The following SHOC2 variants were observed in gnomAD, a reference collection of about 807,000 sequenced individuals.
The protein encoded by SHOC2 is leucine-rich repeat protein SHOC-2.
Under a neutral mutation model 50.2 loss-of-function variants are expected in SHOC2, and 4 were observed. The observed-to-expected ratio is 0.08, with a 90% CI of 0.04 to 0.18. The LOEUF is 0.18. SHOC2 is among the 10% of genes least tolerant of loss of function. The pLI is 1.00. For synonymous variants in SHOC2, 218 were observed against 244.5 expected (o/e 0.89, Z 1.01); for missense variants, 388 against 669.6 (o/e 0.58, Z 4.64).
intron 1 of SHOC2, among the ~76,000 whole-genome samples, chr10:110,925,082 A>T (rs1334502780): frequency 2.0e-5 from 3 of 147,818 alleles, no homozygotes; most frequent in Non-Finnish European, 4.5e-5. Context: ...AAAAAAAAAA[A>T]AAAAAAAAAA....
rs371030486 is a variant in SHOC2, at chr10:110,998,196, A to G, written c.842-2219A>G. ...GTATTTTTAGTAGAGATGGGGTTTCACCATGTTGACCAGACTGGTCTCGAA... is the reference window on the plus strand; with the variant it reads ...GTATTTTTAGTAGAGATGGGGTTTCGCCATGTTGACCAGACTGGTCTCGAA... On this transcript the variant is annotated intron_variant, in intron 3 of 8. Transcript: ENST00000369452. 3.2e-3 allele frequency among the ~76,000 whole-genome samples: 484 copies of G among 152,106 alleles called. 26 individuals are homozygous for G. The South Asian group carries it at 0.093, about 29-fold the overall frequency.
intron 1 of SHOC2, among the ~76,000 whole-genome samples, chr10:110,963,066 T>C (rs1302998317): frequency 6.6e-6 from 1 of 152,212 alleles, no homozygotes; most frequent in Middle Eastern, 3.2e-3. Context: ...TTCTAATAAC[T>C]GTTTTAACCT....
At chr10:110,985,512 G>T in intron 2 of SHOC2, 116 bp from the exon 3 acceptor site, 1 of 757,698 alleles carries the variant, frequency 1.3e-6, no homozygotes, top group South Asian at 1.8e-5. Flanking sequence ...ATCTAATAAG[G>T]TTATGTTTCC....
chr10:110,964,412 A>G lies in SHOC2; in HGVS notation c.54A>G (p.Val18=). 2 of 1,613,046 alleles carry G rather than the reference A, an allele frequency of 1.2e-6. No homozygotes were observed. The highest frequency in any genetic ancestry group is 1.7e-6 in the Non-Finnish European group (2 of 1,179,810). Reference sequence around the variant, plus strand: ...ACTCTAAAGAAAAAGATCCCAAAGTACCATCAGCCAAGGAAAGAGAAAAGG... The same window carrying G: ...ACTCTAAAGAAAAAGATCCCAAAGTGCCATCAGCCAAGGAAAGAGAAAAGG... ...EKDSKEKDPK[V]PSAKEREKEA... is the part of the protein sequence containing the mutation. The change falls in exon 2 of 9, where the codon GTA becomes GTG. Residue 18 remains valine (V), a synonymous_variant. Coordinates refer to ENST00000369452, the MANE Select transcript of SHOC2 (RefSeq NM_007373.4). The surrounding 1 kb of genome is among the most constrained non-coding windows in gnomAD (Gnocchi z 4.9).
In SHOC2 at chr10:110,944,346, T is replaced by C. The variant is rs141340418; in HGVS notation, c.-234-19779T>C. Among the ~76,000 whole-genome samples the C allele has an allele frequency of 5.8e-3, 742 of 128,940 alleles. 3 individuals carry two copies. The highest frequency in any genetic ancestry group is 0.021 in the African/African-American group (715 of 34,122). 84.6% of individuals were successfully genotyped at this position (128,940 alleles called of 152,430 possible). ...TTCTGCCCACAGTGGAAAATGAAGA[T>C]AATCCAGATCACAAATGAAAAGTAT... On this transcript the variant is annotated intron_variant, in intron 1 of 8. Transcript: ENST00000369452.
chr10:110,973,467 A>C (rs187010752), intron 2 of SHOC2, among the ~76,000 whole-genome samples: 2 of 152,248 alleles, frequency 1.3e-5, no homozygotes, highest in Admixed American at 1.3e-4. Flanking sequence ...GTCTGTATTC[A>C]TCATAGATAT....
intron 1 of SHOC2, among the ~76,000 whole-genome samples, chr10:110,962,819 T>C (rs757001701): frequency 1.1e-4 from 16 of 152,218 alleles, no homozygotes; most frequent in Non-Finnish European, 2.2e-4. Context: ...AAGTCCTGTA[T>C]GCTTTTCTCA....
chr10:110,937,496 T>C (rs530803598), intron 1 of SHOC2, among the ~76,000 whole-genome samples: 1 of 152,316 alleles, frequency 6.6e-6, no homozygotes, highest in Non-Finnish European at 1.5e-5. Context: ...TCATATGTTA[T>C]GGTTAGGGAT....
intron 1 of SHOC2, among the ~76,000 whole-genome samples, chr10:110,929,679 C>G (rs936586394): frequency 2.0e-5 from 3 of 152,194 alleles, no homozygotes; most frequent in Non-Finnish European, 2.9e-5. Flanking sequence ...AGCAAGTTCT[C>G]TGGTCTCCTC....
chr10:110,930,237 C>T (rs184135666), intron 1 of SHOC2, among the ~76,000 whole-genome samples: 30 of 152,192 alleles, frequency 2.0e-4, no homozygotes, highest in Admixed American at 1.8e-3. Context: ...ATGTAAGAAA[C>T]GCCAGTTGTT....
At chr10:110,949,893 A>G (rs1487767013) in intron 1 of SHOC2, among the ~76,000 whole-genome samples, 1 of 152,196 alleles carries the variant, frequency 6.6e-6, no homozygotes, top group Non-Finnish European at 1.5e-5. Flanking sequence ...TGTGATAAAA[A>G]CTCAACAAAT....
intron 3 of SHOC2, among the ~76,000 whole-genome samples, chr10:110,986,338 T>A (rs955102560): frequency 2.0e-5 from 3 of 152,234 alleles, no homozygotes; most frequent in Non-Finnish European, 4.4e-5. Context: ...TTTATACCAG[T>A]AAAGTGAATT....
chr10:110,943,086 C>T (rs1847180352), intron 1 of SHOC2, among the ~76,000 whole-genome samples: 3 of 152,096 alleles, frequency 2.0e-5, no homozygotes, highest in Admixed American at 1.3e-4. Context: ...TTATCTTCCT[C>T]GGAGTTTGTT....
chr10:110,942,200 A>G lies in SHOC2; in HGVS notation c.-234-21925A>G, dbSNP rs1255312383. Among the ~76,000 whole-genome samples, 3 of 152,360 alleles carry G rather than the reference A, an allele frequency of 2.0e-5. No individual in the cohort carries two copies. The East Asian group carries it at 5.8e-4, about 29-fold the overall frequency. On this transcript the variant is annotated intron_variant, in intron 1 of 8. Coordinates refer to ENST00000369452, the MANE Select transcript of SHOC2 (RefSeq NM_007373.4). ...TTATCATACAGTATTAAATAAAGACATTTGTTAATAATTCCACTGATTTCG... is the reference window on the plus strand; with the variant it reads ...TTATCATACAGTATTAAATAAAGACGTTTGTTAATAATTCCACTGATTTCG...
At chr10:110,993,887 G>A (rs141526600) in intron 3 of SHOC2, among the ~76,000 whole-genome samples, 1 of 152,234 alleles carries the variant, frequency 6.6e-6, no homozygotes, top group East Asian at 1.9e-4. Context: ...TTAAAATATT[G>A]TATTTATCTA....
intron 1 of SHOC2, among the ~76,000 whole-genome samples, chr10:110,949,150 A>C (rs1847303595): frequency 6.6e-6 from 1 of 152,288 alleles, no homozygotes; most frequent in Non-Finnish European, 1.5e-5. Flanking sequence ...ACTGTAGAAG[A>C]GATAATGAAA....
intron 5 of SHOC2, among the ~76,000 whole-genome samples, chr10:111,006,511 C>T (rs1392276587): frequency 6.6e-6 from 1 of 151,596 alleles, no homozygotes; most frequent in African/African-American, 2.4e-5. Flanking sequence ...GCTGGGACTA[C>T]AGGCGCCCGC....
chr10:110,954,035 A>T (rs2134107871), intron 1 of SHOC2, among the ~76,000 whole-genome samples: 1 of 151,464 alleles, frequency 6.6e-6, no homozygotes, highest in South Asian at 2.1e-4. Context: ...TTACATTTTT[A>T]TTCTAAATAA....
intron 2 of SHOC2, among the ~76,000 whole-genome samples, chr10:110,978,962 T>C (rs1847923984): frequency 6.6e-6 from 1 of 152,284 alleles, no homozygotes; most frequent in Non-Finnish European, 1.5e-5. Context: ...AGTTATCTAT[T>C]GTTGTGTAAC....
Sources: gnomAD v4.1 joint callset for allele counts (sites outside exome capture counted in the v4.1 genomes callset) on GRCh38, gnomAD v4.1.1 for gene constraint, Gnocchi (gnomAD v3.1) non-coding constraint, MANE v1.5 for transcripts, NCBI Gene and HGNC (gene_info 2026-07-23, HGNC 2026-07-21) for gene names.